WWP2: variants seen among roughly 807,000 people sequenced by gnomAD.
WWP2 encodes the protein NEDD4-like E3 ubiquitin-protein ligase WWP2.
WWP2 carries 57 observed loss-of-function variants against 121.0 expected under a neutral mutation model. The observed-to-expected ratio is 0.47, with a 90% CI of 0.38 to 0.59. The LOEUF (loss-of-function observed/expected upper bound fraction) is 0.59. WWP2 is among the 20% of genes least tolerant of loss of function. The pLI, the probability that WWP2 is intolerant of heterozygous loss-of-function variation, is 0.00. For synonymous variants in WWP2, 449 were observed against 441.3 expected (o/e 1.02, Z -0.22); for missense variants, 962 against 1,158.9 (o/e 0.83, Z 2.47).
chr16:69,830,723 G>T (rs945204615), intron 4 of WWP2, among the ~76,000 whole-genome samples: 2 of 152,194 alleles, frequency 1.3e-5, no homozygotes, highest in Non-Finnish European at 2.9e-5. Context: ...GGGTAGAAGA[G>T]ACTTTCTGTT....
chr16:69,902,531 G>A (rs1324022352), intron 8 of WWP2, among the ~76,000 whole-genome samples: 1 of 152,172 alleles, frequency 6.6e-6, no homozygotes, highest in African/African-American at 2.4e-5. Flanking sequence ...CTGAAAACAA[G>A]CTTGGTGCTT....
intron 1 of WWP2, among the ~76,000 whole-genome samples, chr16:69,766,004 C>A (rs1159957884): frequency 2.0e-5 from 3 of 152,138 alleles, no homozygotes; most frequent in Non-Finnish European, 4.4e-5. Flanking sequence ...CTAACAGCTT[C>A]CATATGTGTG....
intron 6 of WWP2, among the ~76,000 whole-genome samples, chr16:69,855,364 G>T (rs958932684): frequency 6.6e-6 from 1 of 152,014 alleles, no homozygotes; most frequent in African/African-American, 2.4e-5. Context: ...CTATCATTCT[G>T]CTGCAATGAC....
intron 4 of WWP2, among the ~76,000 whole-genome samples, chr16:69,807,562 C>G (rs1027852538): frequency 8.7e-5 from 11 of 126,892 alleles, no homozygotes; most frequent in Non-Finnish European, 1.7e-4. Flanking sequence ...GAGGCTGCAG[C>G]GAGTTGTTAT....
intron 16 of WWP2, chr16:69,933,255 C>A (rs1189317395): frequency 9.9e-6 from 4 of 404,640 alleles, no homozygotes; most frequent in South Asian, 1.8e-5. Context: ...CTTGGGACAT[C>A]CCCTTGCTGG....
intron 6 of WWP2, among the ~76,000 whole-genome samples, chr16:69,862,860 G>A: frequency 6.6e-6 from 1 of 151,760 alleles, no homozygotes; most frequent in East Asian, 1.9e-4. Flanking sequence ...CGCATAGCTG[G>A]GATCACAGGC....
chr16:69,925,352 T>A lies in WWP2; in HGVS notation c.1180-78T>A. 6.3e-7 allele frequency: 1 copy of A among 1,585,134 alleles called. No individual in the cohort carries two copies. Among genetic ancestry groups the A allele is most frequent in the Non-Finnish European group, 8.6e-7 (1 of 1,162,646 alleles). ...TGTGGAAGCCAGTCATTGGCATTTTTATTTTTTATTGATTGATTGATTTTT... is the reference window on the plus strand; with the variant it reads ...TGTGGAAGCCAGTCATTGGCATTTTAATTTTTTATTGATTGATTGATTTTT... On this transcript the variant is annotated intron_variant, in intron 10 of 23. Coordinates refer to ENST00000359154, the MANE Select transcript of WWP2 (RefSeq NM_001270454.2). The surrounding 1 kb of genome is among the most constrained non-coding windows in gnomAD (Gnocchi z 4.0).
intron 11 of WWP2, 121 bp from the exon 12 acceptor site, chr16:69,929,327 T>G (rs1401248871): frequency 2.3e-6 from 2 of 870,598 alleles, no homozygotes; most frequent in Non-Finnish European, 1.8e-6. Context: ...GGTTCTTCTC[T>G]AACAGGCTGA....
At chr16:69,839,218 C>T (rs1039900703) in intron 4 of WWP2, among the ~76,000 whole-genome samples, 7 of 152,094 alleles carry the variant, frequency 4.6e-5, no homozygotes, top group Admixed American at 1.3e-4. Context: ...GTGGACGGAC[C>T]CCGTGGAAAT....
At chr16:69,798,913 T>G (rs1489284162) in intron 3 of WWP2, 84 bp downstream of exon 3, 3 of 1,551,982 alleles carry the variant, frequency 1.9e-6, no homozygotes, top group Non-Finnish European at 1.7e-6. Context: ...AGGTACAGAT[T>G]CCCTGTGGCA....
Position 69,925,610 on chromosome 16 carries a change from A to C in WWP2, c.1234+126A>C. 3 of 1,269,110 alleles carry C rather than the reference A, an allele frequency of 2.4e-6. No individual in the cohort carries two copies. The highest frequency in any genetic ancestry group is 2.4e-5 in the East Asian group (1 of 40,896). 78.6% of individuals were successfully genotyped at this position (1,269,110 alleles called of 1,614,324 possible). ...TTTCCATCTCTCCCCTCTCCAGCAC[A>C]CTCTCTGGGCATGCCCCACCAGAGC... On this transcript the variant is annotated intron_variant, in intron 11 of 23. Transcript: ENST00000359154. The surrounding 1 kb of genome is among the most constrained non-coding windows in gnomAD (Gnocchi z 4.0).
intron 7 of WWP2, among the ~76,000 whole-genome samples, chr16:69,883,109 T>C (rs1310202305): frequency 1.3e-5 from 2 of 151,290 alleles, no homozygotes; most frequent in African/African-American, 4.9e-5. Context: ...GCCAAGATCA[T>C]GTCACTGCAC....
intron 1 of WWP2, among the ~76,000 whole-genome samples, chr16:69,784,738 G>T (rs528670808): frequency 6.6e-6 from 1 of 152,078 alleles, no homozygotes; most frequent in Non-Finnish European, 1.5e-5. Flanking sequence ...GAAAAAGCAC[G>T]GTTGTTTGAA....
intron 16 of WWP2, 50 bp downstream of exon 16, chr16:69,931,940 T>C: frequency 6.5e-7 from 1 of 1,546,144 alleles, no homozygotes; most frequent in Non-Finnish European, 8.8e-7. Context: ...TTCCCCAGGC[T>C]ACAGCATCAA....
chr16:69,928,266 A>G lies in WWP2; in HGVS notation c.1235-1182A>G, dbSNP rs117543431. ...TTGTAAAAGGAGAGCCATTAGCATC[A>G]TTTGTTTTCAGGAGAGAAGCAGATT... On this transcript the variant is annotated intron_variant, in intron 11 of 23. Transcript: ENST00000359154. 7.3e-3 allele frequency among the ~76,000 whole-genome samples: 1,107 copies of G among 152,150 alleles called. 7 individuals carry two copies. The highest frequency in any genetic ancestry group is 0.01 in the Non-Finnish European group (680 of 68,000).
chr16:69,910,763 A>G (rs1309450678), intron 9 of WWP2, among the ~76,000 whole-genome samples: 3 of 152,268 alleles, frequency 2.0e-5, no homozygotes, highest in African/African-American at 7.2e-5. Flanking sequence ...GCCTTGACCC[A>G]GTGAGCATTT....
chr16:69,779,057 C>A (rs904668356), intron 1 of WWP2, among the ~76,000 whole-genome samples: 6 of 152,016 alleles, frequency 3.9e-5, no homozygotes, highest in Admixed American at 1.3e-4. Flanking sequence ...TCAAGAAATT[C>A]TCCTGCCTCA....
chr16:69,875,618 G>A (rs2057721656), intron 7 of WWP2, among the ~76,000 whole-genome samples: 2 of 152,190 alleles, frequency 1.3e-5, no homozygotes, highest in Non-Finnish European at 2.9e-5. Flanking sequence ...TTTCAACAGT[G>A]TTCACAGCAT....
At chr16:69,895,033 G>A (rs1011625745) in intron 8 of WWP2, 5 of 152,228 alleles carry the variant, frequency 3.3e-5, no homozygotes, top group African/African-American at 9.7e-5. Flanking sequence ...TAATTGAGGA[G>A]GGATGTTTTC....
Sources: allele counts gnomAD v4.1 joint callset (sites outside exome capture counted in the v4.1 genomes callset), GRCh38; gene constraint gnomAD v4.1.1; non-coding constraint Gnocchi (gnomAD v3.1); transcripts MANE v1.5; gene names NCBI Gene and HGNC (gene_info 2026-07-23, HGNC 2026-07-21).